PLD5: variants seen among roughly 807,000 people sequenced by gnomAD.
The protein encoded by PLD5 is phospholipase D family member 5, also known as inactive phospholipase D5.
PLD5 carries 36 observed loss-of-function variants against 61.1 expected under a neutral mutation model. That is an observed-to-expected ratio of 0.59 (90% CI 0.45 to 0.78). The LOEUF (loss-of-function observed/expected upper bound fraction) is 0.78. Ranked by LOEUF, PLD5 falls within the 30% of genes least tolerant of loss-of-function variation. PLD5 has a pLI of 0.00. For missense variants in PLD5, 515 were observed against 644.4 expected (o/e 0.80, Z 2.17); for synonymous variants, 243 against 242.8 (o/e 1.00, Z -0.01).
chr1:242,153,127 A>G (rs1004716864), intron 5 of PLD5, among the ~76,000 whole-genome samples: 1 of 149,962 alleles, frequency 6.7e-6, no homozygotes, highest in African/African-American at 2.5e-5. Context: ...GCATTTATTC[A>G]TATGTTTGTT....
intron 1 of PLD5, among the ~76,000 whole-genome samples, chr1:242,453,199 C>T (rs1666843144): frequency 6.6e-6 from 1 of 152,182 alleles, no homozygotes; most frequent in Admixed American, 6.5e-5. Context: ...AGGGAGATTG[C>T]TTGCCCTTCC....
At chr1:242,367,780 A>G (rs1661424588) in intron 1 of PLD5, among the ~76,000 whole-genome samples, 1 of 152,194 alleles carries the variant, frequency 6.6e-6, no homozygotes, top group Non-Finnish European at 1.5e-5. Flanking sequence ...CAGAGGACAC[A>G]GGTGAACCCT....
At chr1:242,128,475 C>T (rs1317495267) in intron 5 of PLD5, among the ~76,000 whole-genome samples, 3 of 152,188 alleles carry the variant, frequency 2.0e-5, no homozygotes, top group Admixed American at 2.0e-4. Context: ...GCCACACTCC[C>T]TGCTGACTCT....
intron 1 of PLD5, among the ~76,000 whole-genome samples, chr1:242,481,381 G>A (rs973078696): frequency 4.6e-5 from 7 of 152,314 alleles, no homozygotes; most frequent in South Asian, 2.1e-4. Context: ...CTTTTCCAAC[G>A]GTCTTAGCAA....
chr1:242,239,433 G>A (rs1671851944), intron 4 of PLD5, among the ~76,000 whole-genome samples: 1 of 152,168 alleles, frequency 6.6e-6, no homozygotes, highest in Non-Finnish European at 1.5e-5. Context: ...AACACTAAGT[G>A]CTTTATTTTA....
At chr1:242,505,626 G>A (rs941564135) in intron 1 of PLD5, among the ~76,000 whole-genome samples, 1 of 152,192 alleles carries the variant, frequency 6.6e-6, no homozygotes, top group African/African-American at 2.4e-5. Flanking sequence ...GGAGTTTAAG[G>A]TTCCATGTGA....
intron 5 of PLD5, among the ~76,000 whole-genome samples, chr1:242,211,761 A>T (rs1393761820): frequency 6.6e-6 from 1 of 152,188 alleles, no homozygotes; most frequent in East Asian, 1.9e-4. Flanking sequence ...TCAGTAAGTC[A>T]TTGGTGCCTG....
chr1:242,113,077 T>C (rs1661653164), intron 7 of PLD5, among the ~76,000 whole-genome samples: 1 of 121,588 alleles, frequency 8.2e-6, no homozygotes, highest in Admixed American at 1.0e-4. Context: ...TTTCTTTCTC[T>C]CTCTCTCTTT....
chr1:242,306,659 C>T (rs1456235053), intron 2 of PLD5, among the ~76,000 whole-genome samples: 1 of 152,086 alleles, frequency 6.6e-6, no homozygotes, highest in South Asian at 2.1e-4. Flanking sequence ...TGAACCAACT[C>T]GCCCACCATG....
chr1:242,227,874 A>C (rs1032161106), intron 4 of PLD5, among the ~76,000 whole-genome samples: 1 of 152,228 alleles, frequency 6.6e-6, no homozygotes, highest in East Asian at 1.9e-4. Context: ...TTCACAGATA[A>C]TATCAGATAC....
intron 4 of PLD5, among the ~76,000 whole-genome samples, chr1:242,246,157 C>G (rs1273719438): frequency 6.6e-6 from 1 of 151,876 alleles, no homozygotes; most frequent in Non-Finnish European, 1.5e-5. Context: ...CACTTGGGGC[C>G]AGGAGTTCAA....
intron 1 of PLD5, among the ~76,000 whole-genome samples, chr1:242,387,629 ATTTTATATAAAATTTTAT>A (rs61007107): frequency 0.4 from 51,884 of 129,928 alleles, 7,922 homozygotes; most frequent in East Asian, 0.46. Context: ...TATTTTATCT[ATTTTATATAAAATTTTAT>A]CTATTTTATA....
chr1:242,501,809 TAC>T (rs56986242), intron 1 of PLD5, among the ~76,000 whole-genome samples: 1 of 145,728 alleles, frequency 6.9e-6, no homozygotes, highest in East Asian at 2.0e-4. Context: ...TATATATATA[TAC>T]ACTACATCAT....
rs1424887778 is a variant in PLD5 at position 242,085,647 on chromosome 1, C to T, written c.*4207G>A. ...TGCCTTTAAAAGGTGTATAATAAAG[C>T]ACACCAGTTCATTGGGAACAAGTAC... On this transcript the variant is annotated 3_prime_UTR_variant, in exon 10 of 10. Coordinates refer to ENST00000536534, the MANE Select transcript of PLD5 (RefSeq NM_001372062.1). 6.6e-6 allele frequency: 1 copy of T among 152,122 alleles called. No individual in the cohort carries two copies. The highest frequency in any genetic ancestry group is 1.9e-4 in the East Asian group (1 of 5,202). 9.4% of individuals were successfully genotyped at this position (152,122 alleles called of 1,614,324 possible).
At chr1:242,300,792 C>T (rs1367871433) in intron 2 of PLD5, among the ~76,000 whole-genome samples, 10 of 152,116 alleles carry the variant, frequency 6.6e-5, no homozygotes, top group South Asian at 4.2e-4. Context: ...AAGACCGCTG[C>T]GATAGCATGG....
At chr1:242,259,394 G>T (rs2149095260) in intron 4 of PLD5, among the ~76,000 whole-genome samples, 1 of 152,018 alleles carries the variant, frequency 6.6e-6, no homozygotes, top group African/African-American at 2.4e-5. Flanking sequence ...AACACATAAG[G>T]GTATTTCAGG....
chr1:242,340,415 T>C (rs1444515074), intron 2 of PLD5, among the ~76,000 whole-genome samples: 26 of 151,906 alleles, frequency 1.7e-4, no homozygotes, highest in Non-Finnish European at 3.5e-4. Flanking sequence ...AAAGTTAATG[T>C]AGATAAGGGG....
chr1:242,325,605 GT>G (rs199803645), intron 2 of PLD5, among the ~76,000 whole-genome samples: 16 of 151,376 alleles, frequency 1.1e-4, no homozygotes, highest in African/African-American at 3.4e-4. Flanking sequence ...TCAAGTTGTT[GT>G]TTTTTTTTAA....
intron 1 of PLD5, among the ~76,000 whole-genome samples, chr1:242,398,096 A>G (rs1328939519): frequency 6.6e-6 from 1 of 152,208 alleles, no homozygotes; most frequent in Non-Finnish European, 1.5e-5. Context: ...AAAAGGAAAT[A>G]GCAATAAATA....
Sources: gnomAD v4.1 joint callset for allele counts (sites outside exome capture counted in the v4.1 genomes callset) on GRCh38, gnomAD v4.1.1 for gene constraint, MANE v1.5 for transcripts, NCBI Gene and HGNC (gene_info 2026-07-23, HGNC 2026-07-21) for gene names.